CACNA2D3: variants seen among roughly 807,000 people sequenced by gnomAD.
CACNA2D3 encodes the protein voltage-dependent calcium channel subunit alpha-2/delta-3.
A neutral mutation model predicts 160.6 loss-of-function variants in CACNA2D3; 60 were observed. The ratio of observed to expected loss-of-function variants is 0.37; its 90% confidence interval spans 0.30 to 0.46. CACNA2D3 has a LOEUF of 0.46. Among genes scored for constraint, CACNA2D3 ranks in the 20% least tolerant of loss-of-function variants. CACNA2D3 has a pLI of 1.00. For missense variants in CACNA2D3, 1,205 were observed against 1,365.0 expected (o/e 0.88, Z 1.85); for synonymous variants, 558 against 492.9 (o/e 1.13, Z -1.75).
intron 3 of CACNA2D3, chr3:54,385,930 T>G (rs1699179464): frequency 2.0e-6 from 1 of 509,854 alleles, no homozygotes; most frequent in Non-Finnish European, 3.9e-6. Context: ...CAAATGAGAG[T>G]TTTCTGTAAT....
chr3:54,430,932 A>G (rs1699980503), intron 4 of CACNA2D3, among the ~76,000 whole-genome samples: 1 of 152,222 alleles, frequency 6.6e-6, no homozygotes, highest in Non-Finnish European at 1.5e-5. Flanking sequence ...CCTTTTGACC[A>G]GAAGCCTTAC....
Position 54,924,851 on chromosome 3 carries a change from C to T in CACNA2D3, c.2449+24983C>T. ...TGTTTGATGACAAATCAAGCTCCCTCAGCTGAGGGAGGGAATGGAAAAGTC... is the reference window on the plus strand; with the variant it reads ...TGTTTGATGACAAATCAAGCTCCCTTAGCTGAGGGAGGGAATGGAAAAGTC... On this transcript the variant is annotated intron_variant, in intron 27 of 37. Coordinates refer to ENST00000474759, the MANE Select transcript of CACNA2D3 (RefSeq NM_018398.3). 3 of 1,613,914 alleles carry T rather than the reference C, an allele frequency of 1.9e-6. No homozygotes were observed. In the East Asian group the frequency reaches 6.7e-5, roughly 36 times the overall value.
chr3:55,015,956 A>G (rs1703318133), intron 34 of CACNA2D3, among the ~76,000 whole-genome samples: 1 of 152,198 alleles, frequency 6.6e-6, no homozygotes, highest in Admixed American at 6.5e-5. Context: ...CTTACCCTCC[A>G]TCTGAAAGGC....
At chr3:54,288,185 TAAAG>T (rs1703083130) in intron 2 of CACNA2D3, among the ~76,000 whole-genome samples, 1 of 151,628 alleles carries the variant, frequency 6.6e-6, no homozygotes, top group East Asian at 1.9e-4. Context: ...GCAAGACTAA[TAAAG>T]AAGAAAAGAG....
intron 27 of CACNA2D3, among the ~76,000 whole-genome samples, chr3:54,921,653 C>T (rs532843546): frequency 5.9e-5 from 9 of 152,152 alleles, no homozygotes; most frequent in African/African-American, 2.2e-4. Context: ...GCCATAAAGC[C>T]CCCGTGTAAT....
At chr3:54,468,863 C>T (rs373464573) in intron 4 of CACNA2D3, among the ~76,000 whole-genome samples, 13 of 152,136 alleles carry the variant, frequency 8.5e-5, no homozygotes, top group East Asian at 5.8e-4. Context: ...CCACTGTAGC[C>T]GGACTGCCTC....
chr3:54,130,910 T>C (rs979017617), intron 2 of CACNA2D3, among the ~76,000 whole-genome samples: 3 of 152,234 alleles, frequency 2.0e-5, no homozygotes, highest in Non-Finnish European at 4.4e-5. Flanking sequence ...ATCTGACATT[T>C]CCTCTTCAGC....
chr3:55,045,566 A>G (rs1026713854), intron 35 of CACNA2D3, among the ~76,000 whole-genome samples: 4 of 152,204 alleles, frequency 2.6e-5, no homozygotes, highest in African/African-American at 9.6e-5. Context: ...TATGAATTCA[A>G]TATCTTTATT....
chr3:54,875,299 G>C (rs1199642945), intron 18 of CACNA2D3: 2 of 152,002 alleles, frequency 1.3e-5, no homozygotes, highest in African/African-American at 4.8e-5. Flanking sequence ...AGAATGTTTT[G>C]CAGGTTCTCC....
At chr3:54,559,910 G>T (rs956998919) in intron 5 of CACNA2D3, among the ~76,000 whole-genome samples, 1 of 152,304 alleles carries the variant, frequency 6.6e-6, no homozygotes, top group Admixed American at 6.5e-5. Flanking sequence ...CCATGTTCCT[G>T]CAGAGGACAT....
At chr3:54,376,406 C>T (rs1375521131) in intron 3 of CACNA2D3, among the ~76,000 whole-genome samples, 1 of 152,228 alleles carries the variant, frequency 6.6e-6, no homozygotes, top group Non-Finnish European at 1.5e-5. Flanking sequence ...AACCTCTCTT[C>T]CCTTTGGTTT....
chr3:54,209,605 G>A (rs1701335968), intron 2 of CACNA2D3, among the ~76,000 whole-genome samples: 1 of 152,182 alleles, frequency 6.6e-6, no homozygotes, highest in South Asian at 2.1e-4. Context: ...TTTTAACTCT[G>A]ATGGAAGAAA....
At chr3:54,963,509 A>G (rs1702078882) in intron 27 of CACNA2D3, among the ~76,000 whole-genome samples, 1 of 152,236 alleles carries the variant, frequency 6.6e-6, no homozygotes, top group Non-Finnish European at 1.5e-5. Context: ...TGTGAATATT[A>G]TTTAATTTTA....
intron 11 of CACNA2D3, among the ~76,000 whole-genome samples, chr3:54,696,595 G>A (rs189235731): frequency 1.2e-4 from 19 of 152,236 alleles, no homozygotes; most frequent in Admixed American, 1.2e-3. Context: ...AGGAAAGAAT[G>A]GCACAGTTCC....
At chr3:54,207,978 T>C (rs1444471190) in intron 2 of CACNA2D3, among the ~76,000 whole-genome samples, 1 of 152,218 alleles carries the variant, frequency 6.6e-6, no homozygotes, top group East Asian at 1.9e-4. Context: ...CAGTGATTCA[T>C]GTCCCCTTTG....
chr3:54,456,781 A>G (rs1700404523), intron 4 of CACNA2D3, among the ~76,000 whole-genome samples: 1 of 151,814 alleles, frequency 6.6e-6, no homozygotes. Context: ...CTCTTGGTTC[A>G]TTATTGGTCT....
rs145737805 is a variant in CACNA2D3 at position 54,628,007 on chromosome 3, C to T, written c.1053+131C>T. The T allele has an allele frequency of 4.2e-4, 278 of 669,524 alleles. 1 individual carries two copies. The East Asian group carries it at 6.0e-3, about 15-fold the overall frequency. The allele number at this position is 669,524 out of a possible 1,614,324, so 41.5% of individuals were successfully genotyped here. Reference sequence around the variant, plus strand: ...CAGCCCTTTGGGAGGCCGAGATGGGCGGATCATGAGGTCAGGAGATCCAGA... The same window carrying T: ...CAGCCCTTTGGGAGGCCGAGATGGGTGGATCATGAGGTCAGGAGATCCAGA... On this transcript the variant is annotated intron_variant, in intron 10 of 37. Coordinates refer to ENST00000474759, the MANE Select transcript of CACNA2D3 (RefSeq NM_018398.3).
intron 5 of CACNA2D3, among the ~76,000 whole-genome samples, chr3:54,521,327 T>C (rs1475753664): frequency 6.6e-6 from 1 of 152,234 alleles, no homozygotes; most frequent in Non-Finnish European, 1.5e-5. Context: ...TATGTGCTTA[T>C]TGACCATTTG....
At chr3:54,885,891 G>T (rs1180297475) in intron 23 of CACNA2D3, among the ~76,000 whole-genome samples, 1 of 152,166 alleles carries the variant, frequency 6.6e-6, no homozygotes, top group African/African-American at 2.4e-5. Flanking sequence ...GTAAATATTT[G>T]CATATCTCCC....
Sources: allele counts gnomAD v4.1 joint callset (sites outside exome capture counted in the v4.1 genomes callset), GRCh38; gene constraint gnomAD v4.1.1; transcripts MANE v1.5; gene names NCBI Gene and HGNC (gene_info 2026-07-23, HGNC 2026-07-21).